EML3: variants seen among roughly 807,000 people sequenced by gnomAD.
The protein encoded by EML3 is EMAP like 3.
In EML3, 53 loss-of-function variants were observed where a neutral mutation model predicts 106.7. The observed-to-expected ratio is 0.50, with a 90% CI of 0.40 to 0.62. EML3 has a LOEUF of 0.62. EML3 is among the 20% of genes least tolerant of loss of function. The probability of loss-of-function intolerance (pLI) is 0.00; values close to 1 mark genes in which losing one functional copy is unlikely to be tolerated. For missense variants in EML3, 994 were observed against 1,209.1 expected (o/e 0.82, Z 2.64); for synonymous variants, 499 against 489.6 (o/e 1.02, Z -0.25).
chr11:62,610,799 C>A, intron 4 of EML3, 80 bp downstream of exon 4: 1 of 1,266,386 alleles, frequency 7.9e-7, no homozygotes, highest in Non-Finnish European at 1.1e-6. Context: ...CCCACCCCAA[C>A]CAGGGATGTG....
At chr11:62,609,327 C>A in intron 6 of EML3, 27 bp downstream of exon 6, 1 of 1,541,186 alleles carries the variant, frequency 6.5e-7, no homozygotes. Flanking sequence ...AAAGGTGGTT[C>A]TCATGGGACT....
At position 62,605,244 on chromosome 11, in the gene EML3, C is replaced by T; in HGVS notation, c.1915-64G>A. 1.3e-6 allele frequency: 2 copies of T among 1,534,192 alleles called. No homozygotes were observed. Among genetic ancestry groups the T allele is most frequent in the Non-Finnish European group, 1.8e-6 (2 of 1,125,344 alleles). ...TCTAGTGAGGGAACCAGAGTGAACC[C>T]CTTGTCCTCCTAACTTCAAAGCCAC... is the stretch of plus-strand genomic sequence containing the variant. On this transcript the variant is annotated intron_variant, in intron 15 of 21. Coordinates refer to ENST00000394773, the MANE Select transcript of EML3 (RefSeq NM_153265.3). This position sits in a 1 kb window ranked among gnomAD's most constrained non-coding sequence, Gnocchi z 5.2.
At chr11:62,609,738 C>T in intron 4 of EML3, 42 bp from the exon 5 acceptor site, 6 of 1,539,168 alleles carry the variant, frequency 3.9e-6, no homozygotes, top group Admixed American at 4.1e-5. Context: ...GGTCAGGTCC[C>T]AAGACCTAAG....
At position 62,609,002 on chromosome 11, in the gene EML3, C is replaced by A; in HGVS notation, c.889G>T (p.Gly297Cys). ...GTGTGCCCCCGGTAATGTCTCTGGCCGCCACCTCCAGGACCCCCTGGGCCT... is the reference window on the plus strand; with the variant it reads ...GTGTGCCCCCGGTAATGTCTCTGGCAGCCACCTCCAGGACCCCCTGGGCCT... ...GGGPGGPGGG[G>C]QRHYRGHTDC... Residue 297 changes from glycine to cysteine, a missense_variant, in exon 7 of 22, where the codon GGC becomes TGC. By Grantham distance (159) the Gly-to-Cys change is radical. Around this residue, in one of 3 missense-constraint regions of EML3, gnomAD observed 713 missense variants for 920.5 expected, o/e 0.77. Transcript: ENST00000394773. 6.2e-7 allele frequency: 1 copy of A among 1,613,938 alleles called. No homozygotes were observed. Among genetic ancestry groups the A allele is most frequent in the Non-Finnish European group, 8.5e-7 (1 of 1,180,008 alleles).
At chr11:62,604,296 C>A in intron 16 of EML3, 95 bp from the exon 17 acceptor site, 1 of 981,196 alleles carries the variant, frequency 1.0e-6, no homozygotes. Context: ...TTGGGGATGG[C>A]AAATAAGAGA....
At position 62,608,192 on chromosome 11, in the gene EML3, A is replaced by C; in HGVS notation, c.1206+9T>G. ...CTCAGAGCCCCTCCAAGCCACATGG[A>C]CTCCTCACCTTGATCTCAGCCAGCT... On this transcript the variant is annotated intron_variant, in intron 10 of 21. Transcript: ENST00000394773. The C allele has an allele frequency of 6.2e-7, 1 of 1,612,820 alleles. No individual in the cohort carries two copies.
At chr11:62,609,155 G>A in intron 6 of EML3, 23 bp from the exon 7 acceptor site, 1 of 1,611,898 alleles carries the variant, frequency 6.2e-7, no homozygotes, top group Non-Finnish European at 8.5e-7. Flanking sequence ...TCACGGTCAA[G>A]GAAAGGGTTA....
rs762442811 is a variant in EML3 at position 62,611,243 on chromosome 11, G to A, written c.296C>T (p.Pro99Leu). Residue 99 changes from proline to leucine, a missense_variant, in exon 3 of 22, where the codon CCC becomes CTC. Physicochemically the swap from Pro to Leu is moderately conservative, Grantham distance 98 (BLOSUM62 -3). This residue lies in a region of EML3 where 269 missense variants were observed against 265.1 expected (regional missense o/e 1.01). Transcript: ENST00000394773. ...TEVELKSSPGPPGLSNGPPAP... is the reference protein window; with the variant it reads ...TEVELKSSPGLPGLSNGPPAP... ...TGGGGGTCCATTGCTCAGGCCAGGG[G>A]GTCCAGGGGATGACTTGAGCTCCAC... 1.2e-6 allele frequency: 2 copies of A among 1,612,480 alleles called. No individual in the cohort carries two copies. The highest frequency in any genetic ancestry group is 1.7e-6 in the Non-Finnish European group (2 of 1,179,906).
At position 62,611,487 on chromosome 11, in the gene EML3, C is replaced by G. The variant is rs202211575; in HGVS notation, c.132G>C (p.Leu44=). ...KAALAEALRL[L]RLQVPPSSLQ... Reference sequence around the variant, plus strand: ...GGGAGGAAGGGGGCACCTGCAGCCGCAGCAGGCGAAGGGCTTCTGCCAGGG... The same window carrying G: ...GGGAGGAAGGGGGCACCTGCAGCCGGAGCAGGCGAAGGGCTTCTGCCAGGG... Residue 44 remains leucine, a synonymous_variant, in exon 2 of 22, where the codon CTG becomes CTC. Coordinates refer to ENST00000394773, the MANE Select transcript of EML3 (RefSeq NM_153265.3). 5.1e-5 allele frequency: 83 copies of G among 1,613,798 alleles called. No individual in the cohort carries two copies. In the East Asian group the frequency reaches 1.7e-3, roughly 34 times the overall value.
chr11:62,612,052 C>A, intron 1 of EML3: 1 of 385,312 alleles, frequency 2.6e-6, no homozygotes, highest in Non-Finnish European at 4.7e-6. Flanking sequence ...ACTGAGGACC[C>A]AGAGTACAAG....
chr11:62,609,732 A>G lies in EML3; in HGVS notation c.567-36T>C, dbSNP rs12281309. On this transcript the variant is annotated intron_variant, in intron 4 of 21. Coordinates refer to ENST00000394773, the MANE Select transcript of EML3 (RefSeq NM_153265.3). Reference sequence around the variant, plus strand: ...GAGAGAAAGCACAGGGATTGGGGTCAGGTCCCAAGACCTAAGCGGGGAGGG... The same window carrying G: ...GAGAGAAAGCACAGGGATTGGGGTCGGGTCCCAAGACCTAAGCGGGGAGGG... 297 of 1,559,754 alleles carry G rather than the reference A, an allele frequency of 1.9e-4. 2 individuals are homozygous for G. In the African/African-American group the frequency reaches 3.7e-3, roughly 19 times the overall value.
At chr11:62,603,846 ATCCCATCCATT>A in intron 18 of EML3, 30 bp from the exon 19 acceptor site, 1 of 1,613,038 alleles carries the variant, frequency 6.2e-7, no homozygotes, top group Middle Eastern at 1.6e-4. Flanking sequence ...GTTTTAAAGT[ATCCCATCCATT>A]TCCCATCCCC....
rs764010757 is a variant in EML3, at chr11:62,608,274, A to G, written c.1133T>C (p.Val378Ala). 6.2e-7 allele frequency: 1 copy of G among 1,613,930 alleles called. No individual in the cohort carries two copies. The highest frequency in any genetic ancestry group is 1.3e-5 in the African/African-American group (1 of 75,012). The change falls in exon 10 of 22, where the codon GTG becomes GCG. Residue 378 changes from valine to alanine, a missense_variant. This residue lies in a region of EML3 where 713 missense variants were observed against 920.5 expected (regional missense o/e 0.77). Transcript: ENST00000394773. ...CATGTGCTCATTGGAATCATCCACCACACAAAGAAAGGCACCCTGATCCTG... is the reference window on the plus strand; with the variant it reads ...CATGTGCTCATTGGAATCATCCACCGCACAAAGAAAGGCACCCTGATCCTG... ...SAADQGAFLC[V>A]VDDSNEHMLS...
chr11:62,604,063 G>T (rs1034976246), intron 17 of EML3, 22 bp from the exon 18 acceptor site: 3 of 1,614,034 alleles, frequency 1.9e-6, no homozygotes, highest in Non-Finnish European at 2.5e-6. Context: ...GTCACTCAGA[G>T]AGGGAAGGGC....
Position 62,602,992 on chromosome 11 carries a change from G to A in EML3, c.2357-103C>T, listed in dbSNP as rs532039602. ...CCGGCAGCCGCGGCCACCCACTGCC[G>A]CGTTCCAGGCAAGCCTTCCCGGTCC... is the stretch of plus-strand genomic sequence containing the variant. On this transcript the variant is annotated intron_variant, in intron 20 of 21. Transcript: ENST00000394773. The A allele has an allele frequency of 6.8e-6, 10 of 1,476,168 alleles. No homozygotes were observed. The East Asian group carries it at 7.3e-5, about 11-fold the overall frequency. 91.4% of individuals were successfully genotyped at this position (1,476,168 alleles called of 1,614,324 possible). A position where few individuals can be genotyped will look rare whatever the true frequency, so the allele number is the denominator to read the frequency against.
In EML3 at chr11:62,602,638, G is replaced by C; in HGVS notation, c.2528C>G (p.Thr843Ser). ...RMYGGHGSHV[T>S]SVRFTHDDSH... ...GTCGTCGTGCGTGAATCGGACGCTG[G>C]TCACGTGGCTGCCGTGGCCCCCGTA... is the stretch of plus-strand genomic sequence containing the variant. Residue 843 changes from threonine (T) to serine (S), a missense_variant, in exon 22 of 22, where the codon ACC (threonine) becomes AGC (serine). Thr to Ser is a moderately conservative substitution (Grantham distance 58). Coordinates refer to ENST00000394773, the MANE Select transcript of EML3 (RefSeq NM_153265.3). The C allele has an allele frequency of 1.3e-6, 2 of 1,591,726 alleles. No individual in the cohort carries two copies. The highest frequency in any genetic ancestry group is 1.7e-6 in the Non-Finnish European group (2 of 1,172,472).
At position 62,602,439 on chromosome 11, in the gene EML3, C is replaced by T; in HGVS notation, c.*36G>A. 1 of 1,545,286 alleles carries T rather than the reference C, an allele frequency of 6.5e-7. No homozygotes were observed. Among genetic ancestry groups the T allele is most frequent in the Admixed American group, 2.0e-5 (1 of 50,618 alleles). ...AGGGAAGGGCAGGGCGGGGCGGGGC[C>T]ACGCCGCCGGGCCAGTCGGTCCCGC... On this transcript the variant is annotated 3_prime_UTR_variant, in exon 22 of 22. Coordinates refer to ENST00000394773, the MANE Select transcript of EML3 (RefSeq NM_153265.3).
At position 62,608,323 on chromosome 11, in the gene EML3, G is replaced by A. The variant is rs371143092; in HGVS notation, c.1111-27C>T. 1.7e-4 allele frequency: 280 copies of A among 1,603,594 alleles called. 1 individual carries two copies. In the South Asian group the frequency reaches 2.6e-3, roughly 15 times the overall value. On this transcript the variant is annotated intron_variant, in intron 9 of 21. Transcript: ENST00000394773. ...TGAAGAAGGGTGACACATAGGAGGT[G>A]CAGAGTGAACCCTGGAGGTCCAGGG...
At position 62,610,881 on chromosome 11, in the gene EML3, C is replaced by T. The variant is rs773968729; in HGVS notation, c.564G>A (p.Glu188=). The T allele has an allele frequency of 6.8e-6, 11 of 1,609,558 alleles. No homozygotes were observed. The East Asian group carries it at 2.5e-4, about 36-fold the overall frequency. The change falls in exon 4 of 22, where the codon GAG becomes GAA. Residue 188 remains glutamate, a splice_region_variant and synonymous_variant. Transcript: ENST00000394773. The part of the protein sequence containing the change: ...ANLLVRSGST[E]SRGGKDPLSS... ...GGTTGAGGGGAAGCCTCACCCACCT[C>T]TCTGTGCTCCCGGACCGCACTAACA...
Sources: gnomAD v4.1 joint callset for allele counts on GRCh38, gnomAD v4.1.1 for gene constraint, gnomAD v4.1.1 regional missense constraint, Gnocchi (gnomAD v3.1) non-coding constraint, MANE v1.5 for transcripts, NCBI Gene and HGNC (gene_info 2026-07-23, HGNC 2026-07-21) for gene names.